Variants in MIPEP observed in about 807,000 individuals in gnomAD.
The protein encoded by MIPEP is mitochondrial intermediate peptidase.
A neutral mutation model predicts 90.3 loss-of-function variants in MIPEP; 79 were observed. The observed-to-expected ratio is 0.87, with a 90% CI of 0.73 to 1.05. The LOEUF is 1.05. Ranked by LOEUF, MIPEP falls within the 50% of genes least tolerant of loss-of-function variation. MIPEP has a pLI of 0.00. For synonymous variants in MIPEP, 334 were observed against 315.8 expected, an observed-to-expected ratio of 1.06 and a Z score of -0.61; for missense variants, 940 against 905.6, an observed-to-expected ratio of 1.04 and a Z score of -0.49.
chr13:23,779,905 G>A (rs1402858717), intron 16 of MIPEP, among the ~76,000 whole-genome samples: 1 of 152,188 alleles, frequency 6.6e-6, no homozygotes, highest in African/African-American at 2.4e-5. Flanking sequence ...CAGCGAGGCT[G>A]GGGGAGGGGC....
chr13:23,826,686 G>A (rs1941317581), intron 14 of MIPEP, among the ~76,000 whole-genome samples: 1 of 152,150 alleles, frequency 6.6e-6, no homozygotes, highest in Non-Finnish European at 1.5e-5. Flanking sequence ...AAATGCTTAT[G>A]TTAAATAAAA....
chr13:23,777,826 C>G (rs1013229416), intron 16 of MIPEP, among the ~76,000 whole-genome samples: 7 of 152,142 alleles, frequency 4.6e-5, no homozygotes, highest in Admixed American at 4.6e-4. Flanking sequence ...CTTCTCTAAA[C>G]TAACTGTGGC....
intron 16 of MIPEP, among the ~76,000 whole-genome samples, chr13:23,792,111 C>T (rs960688176): frequency 1.6e-4 from 24 of 152,110 alleles, no homozygotes; most frequent in Non-Finnish European, 2.6e-4. Context: ...TCACTGTCCC[C>T]GCCTCTAAAT....
chr13:23,801,916 A>C lies in MIPEP; in HGVS notation c.1848+4034T>G, dbSNP rs1311907301. On this transcript the variant is annotated intron_variant, in intron 16 of 18. Transcript: ENST00000382172. Reference sequence around the variant, plus strand: ...CTGTTATAAACCCTCCTATTTTTTCATGCCTGGTACAGAAAAGTATACCTG... The same window carrying C: ...CTGTTATAAACCCTCCTATTTTTTCCTGCCTGGTACAGAAAAGTATACCTG... 2.0e-5 allele frequency among the ~76,000 whole-genome samples: 3 copies of C among 152,010 alleles called. No individual in the cohort carries two copies. The East Asian group carries it at 5.8e-4, about 29-fold the overall frequency.
chr13:23,820,534 G>T (rs534661468), intron 14 of MIPEP, among the ~76,000 whole-genome samples: 44 of 152,210 alleles, frequency 2.9e-4, no homozygotes, highest in African/African-American at 1.0e-3. Flanking sequence ...ATAAAAGAAA[G>T]AATTCTTATA....
chr13:23,809,741 T>C, intron 15 of MIPEP, 109 bp downstream of exon 15: 1 of 719,286 alleles, frequency 1.4e-6, no homozygotes, highest in Non-Finnish European at 2.3e-6. Context: ...AAAGATGTTT[T>C]AGAAGCATAA....
intron 14 of MIPEP, among the ~76,000 whole-genome samples, chr13:23,829,812 T>TA (rs1039847149): frequency 6.6e-6 from 1 of 151,920 alleles, no homozygotes; most frequent in Non-Finnish European, 1.5e-5. Flanking sequence ...AATAAATAAA[T>TA]AAAAAACCTT....
chr13:23,849,545 T>C (rs1351796445), intron 10 of MIPEP, among the ~76,000 whole-genome samples: 3 of 152,234 alleles, frequency 2.0e-5, no homozygotes, highest in Non-Finnish European at 1.5e-5. Context: ...ATAAACACTC[T>C]GCTATTCTGG....
intron 14 of MIPEP, among the ~76,000 whole-genome samples, chr13:23,821,833 C>G (rs79245460): frequency 6.6e-6 from 1 of 152,166 alleles, no homozygotes; most frequent in Non-Finnish European, 1.5e-5. Flanking sequence ...AGTTGTTACA[C>G]TGTACTGCTT....
chr13:23,779,283 C>A (rs191957400), intron 16 of MIPEP, among the ~76,000 whole-genome samples: 5 of 151,992 alleles, frequency 3.3e-5, no homozygotes, highest in Non-Finnish European at 5.9e-5. Flanking sequence ...TGTAGAAAAC[C>A]CCGAAATTGT....
intron 11 of MIPEP, 45 bp downstream of exon 11, chr13:23,841,290 G>T (rs557621277): frequency 6.4e-7 from 1 of 1,557,384 alleles, no homozygotes; most frequent in African/African-American, 1.4e-5. Flanking sequence ...CTGCCCAACC[G>T]AAAGGTAAAT....
At chr13:23,835,386 A>G (rs1425274086) in intron 14 of MIPEP, among the ~76,000 whole-genome samples, 2 of 152,162 alleles carry the variant, frequency 1.3e-5, no homozygotes, top group Non-Finnish European at 2.9e-5. Context: ...AATATTACAC[A>G]TCTGGAGACA....
intron 14 of MIPEP, among the ~76,000 whole-genome samples, chr13:23,832,906 A>G (rs570392994): frequency 6.6e-6 from 1 of 152,364 alleles, no homozygotes; most frequent in South Asian, 2.1e-4. Context: ...GGTATCTGCT[A>G]TCTCTGACAG....
intron 6 of MIPEP, 23 bp downstream of exon 6, chr13:23,869,990 C>A: frequency 6.6e-7 from 1 of 1,523,636 alleles, no homozygotes; most frequent in Non-Finnish European, 8.9e-7. Context: ...ACCTAAACAA[C>A]AAAGAGAATG....
At chr13:23,854,746 G>C (rs566512845) in intron 10 of MIPEP, among the ~76,000 whole-genome samples, 6 of 152,116 alleles carry the variant, frequency 3.9e-5, no homozygotes, top group African/African-American at 1.2e-4. Flanking sequence ...ACAAAAATTA[G>C]CTGGGTGTGG....
intron 16 of MIPEP, among the ~76,000 whole-genome samples, chr13:23,779,736 G>A (rs953584877): frequency 7.2e-5 from 11 of 152,158 alleles, no homozygotes; most frequent in Non-Finnish European, 5.9e-5. Context: ...GATGGCACCT[G>A]GAAAATCGGA....
intron 16 of MIPEP, among the ~76,000 whole-genome samples, chr13:23,805,513 T>C (rs1376333944): frequency 2.6e-5 from 4 of 152,202 alleles, no homozygotes; most frequent in African/African-American, 9.6e-5. Context: ...CTCTCTCTCC[T>C]GACATGGTAC....
chr13:23,750,212 T>C (rs1244225892), intron 18 of MIPEP, among the ~76,000 whole-genome samples: 1 of 152,174 alleles, frequency 6.6e-6, no homozygotes, highest in Non-Finnish European at 1.5e-5. Flanking sequence ...ATGTGGCACA[T>C]CTGTCACAAC....
chr13:23,754,066 A>G (rs776650280), intron 18 of MIPEP, among the ~76,000 whole-genome samples: 2 of 152,212 alleles, frequency 1.3e-5, no homozygotes, highest in African/African-American at 2.4e-5. Flanking sequence ...TTAAACAAAA[A>G]TATATAAGGT....
Sources: gnomAD v4.1 joint callset for allele counts (sites outside exome capture counted in the v4.1 genomes callset) on GRCh38, gnomAD v4.1.1 for gene constraint, MANE v1.5 for transcripts, NCBI Gene and HGNC (gene_info 2026-07-23, HGNC 2026-07-21) for gene names.